Variants in CTNNBIP1 observed in about 807,000 individuals in gnomAD.
The protein encoded by CTNNBIP1 is beta-catenin-interacting protein 1.
In CTNNBIP1, 7 loss-of-function variants were observed where a neutral mutation model predicts 11.8. The observed-to-expected ratio is 0.60, with a 90% CI of 0.34 to 1.12. The LOEUF (loss-of-function observed/expected upper bound fraction) is 1.12, where lower values mean the gene tolerates loss of function less well. Among genes scored for constraint, CTNNBIP1 ranks in the 50% most tolerant of loss-of-function variants. CTNNBIP1 has a pLI of 0.03. For missense variants in CTNNBIP1, 101 were observed against 113.4 expected (o/e 0.89, Z 0.50); for synonymous variants, 58 against 43.9 (o/e 1.32, Z -1.26).
intron 5 of CTNNBIP1, among the ~76,000 whole-genome samples, chr1:9,859,193 C>T (rs1450398042): frequency 6.6e-6 from 1 of 152,200 alleles, no homozygotes; most frequent in Non-Finnish European, 1.5e-5. Flanking sequence ...CCTCACTAGT[C>T]CCCTGGCTCA....
Position 9,859,338 on chromosome 1 carries a change from G to C in CTNNBIP1, c.188-8562C>G, listed in dbSNP as rs145836551. On this transcript the variant is annotated intron_variant, in intron 5 of 5. Coordinates refer to ENST00000377263, the MANE Select transcript of CTNNBIP1 (RefSeq NM_020248.3). Reference sequence around the variant, plus strand: ...TTAGTGGAGTCCAGTCAATTGACTGGGGAGAAAAAATGACAAATATGCAGG... The same window carrying C: ...TTAGTGGAGTCCAGTCAATTGACTGCGGAGAAAAAATGACAAATATGCAGG... 2.7e-3 allele frequency among the ~76,000 whole-genome samples: 416 copies of C among 152,268 alleles called. 2 individuals carry two copies. Among genetic ancestry groups the C allele is most frequent in the Non-Finnish European group, 4.2e-3 (283 of 68,024 alleles).
chr1:9,858,487 T>A (rs1236582178), intron 5 of CTNNBIP1, among the ~76,000 whole-genome samples: 2 of 152,122 alleles, frequency 1.3e-5, no homozygotes, highest in East Asian at 3.9e-4. Context: ...CAAGCACAAG[T>A]CCTTACACCC....
intron 1 of CTNNBIP1, among the ~76,000 whole-genome samples, chr1:9,885,623 G>C (rs928517449): frequency 6.6e-6 from 1 of 150,760 alleles, no homozygotes; most frequent in Admixed American, 6.6e-5. Context: ...CAGCCTAGGT[G>C]ACAGGGCAAG....
chr1:9,897,270 T>G (rs1186487691), intron 1 of CTNNBIP1, among the ~76,000 whole-genome samples: 1 of 151,234 alleles, frequency 6.6e-6, no homozygotes, highest in African/African-American at 2.4e-5. Context: ...CTGGCTAACA[T>G]GGTGAAACCC....
intron 1 of CTNNBIP1, among the ~76,000 whole-genome samples, chr1:9,900,729 C>T (rs890939621): frequency 4.6e-5 from 7 of 152,210 alleles, no homozygotes; most frequent in Admixed American, 2.6e-4. Context: ...GAAAGCAGAA[C>T]TGGGGGCCAG....
At chr1:9,874,481 T>C (rs1638925121) in intron 3 of CTNNBIP1, among the ~76,000 whole-genome samples, 1 of 152,238 alleles carries the variant, frequency 6.6e-6, no homozygotes, top group Non-Finnish European at 1.5e-5. Context: ...CTCAAATTCC[T>C]GGTCTCAAGC....
Position 9,867,584 on chromosome 1 carries a change from G to A in CTNNBIP1, c.187+3603C>T, listed in dbSNP as rs908556028. On this transcript the variant is annotated intron_variant, in intron 5 of 5. Coordinates refer to ENST00000377263, the MANE Select transcript of CTNNBIP1 (RefSeq NM_020248.3). This position sits in a 1 kb window ranked among gnomAD's most constrained non-coding sequence, Gnocchi z 4.6. ...TCAGACCCCCTGCTAGAGGAGTCCCGGGGTAGATGGAGCCTCCTCTGGCTC... is the reference window on the plus strand; with the variant it reads ...TCAGACCCCCTGCTAGAGGAGTCCCAGGGTAGATGGAGCCTCCTCTGGCTC... Among the ~76,000 whole-genome samples, 5 of 152,182 alleles carry A rather than the reference G, an allele frequency of 3.3e-5. No individual in the cohort carries two copies. The highest frequency in any genetic ancestry group is 6.5e-5 in the Admixed American group (1 of 15,280).
At chr1:9,869,691 A>G (rs953913544) in intron 5 of CTNNBIP1, among the ~76,000 whole-genome samples, 4 of 152,142 alleles carry the variant, frequency 2.6e-5, no homozygotes, top group Non-Finnish European at 2.9e-5. Context: ...TTTTTTCCCA[A>G]GAGTATTCAA....
chr1:9,884,917 G>A (rs1320253607), intron 1 of CTNNBIP1, among the ~76,000 whole-genome samples: 2 of 152,156 alleles, frequency 1.3e-5, no homozygotes, highest in Admixed American at 1.3e-4. Context: ...CCAGCACTGG[G>A]GTGGGGCTGC....
intron 1 of CTNNBIP1, among the ~76,000 whole-genome samples, chr1:9,901,444 CAGGAAGCCTTGCTGGTGGAATCT>C: frequency 6.6e-6 from 1 of 152,264 alleles, no homozygotes; most frequent in Non-Finnish European, 1.5e-5. Flanking sequence ...CTGATCTTTG[CAGGAAGCCTTGCTGGTGGAATCT>C]AGGACTTCAG....
chr1:9,898,086 G>A (rs970058293), intron 1 of CTNNBIP1, among the ~76,000 whole-genome samples: 1 of 150,796 alleles, frequency 6.6e-6, no homozygotes, highest in Non-Finnish European at 1.5e-5. Flanking sequence ...CTGAACTCCA[G>A]TCTGGATAAC....
chr1:9,891,731 C>T (rs1464205903), intron 1 of CTNNBIP1, among the ~76,000 whole-genome samples: 1 of 151,140 alleles, frequency 6.6e-6, no homozygotes, highest in Non-Finnish European at 1.5e-5. Context: ...TGCTTGAGGC[C>T]TGGACTTCAA....
intron 5 of CTNNBIP1, among the ~76,000 whole-genome samples, chr1:9,853,732 C>G (rs149714918): frequency 2.5e-4 from 38 of 152,328 alleles, no homozygotes; most frequent in African/African-American, 9.1e-4. Flanking sequence ...TCCCTTCCCA[C>G]CAGATGCAAG....
At chr1:9,907,930 T>A (rs530369111) in intron 1 of CTNNBIP1, among the ~76,000 whole-genome samples, 1 of 152,328 alleles carries the variant, frequency 6.6e-6, no homozygotes, top group South Asian at 2.1e-4. Context: ...GCCAGAACAA[T>A]CTTTTGGAAC....
chr1:9,902,580 C>T (rs552856275), intron 1 of CTNNBIP1, among the ~76,000 whole-genome samples: 13 of 152,238 alleles, frequency 8.5e-5, no homozygotes, highest in African/African-American at 3.1e-4. Flanking sequence ...CCCAGCCCCC[C>T]ACCTTAATGT....
chr1:9,878,022 A>C (rs1010993748), intron 2 of CTNNBIP1, 33 bp from the exon 3 acceptor site: 1 of 152,648 alleles, frequency 6.6e-6, no homozygotes, highest in Non-Finnish European at 1.5e-5. Flanking sequence ...TTGTGGGAGG[A>C]GTCGGGAGGG....
At chr1:9,875,289 T>C (rs1638944148) in intron 3 of CTNNBIP1, among the ~76,000 whole-genome samples, 1 of 152,222 alleles carries the variant, frequency 6.6e-6, no homozygotes, top group Non-Finnish European at 1.5e-5. Context: ...AGGACTGGTG[T>C]CTGGTTTTTG....
rs898920459 is a variant in CTNNBIP1, at chr1:9,865,521, A to G, written c.187+5666T>C. Among the ~76,000 whole-genome samples, 7 of 150,390 alleles carry G rather than the reference A, an allele frequency of 4.7e-5. No homozygotes were observed. The South Asian group carries it at 6.4e-4, about 14-fold the overall frequency. ...CAGGAAGCTGAGGCAGGAGAATGGC[A>G]TGAACCCGGGAGGTGGAGTTTGCAG... is the stretch of plus-strand genomic sequence containing the variant. On this transcript the variant is annotated intron_variant, in intron 5 of 5. Coordinates refer to ENST00000377263, the MANE Select transcript of CTNNBIP1 (RefSeq NM_020248.3).
intron 2 of CTNNBIP1, among the ~76,000 whole-genome samples, chr1:9,881,134 C>A (rs756245651): frequency 6.6e-6 from 1 of 152,036 alleles, no homozygotes; most frequent in Admixed American, 6.6e-5. Flanking sequence ...CTCCCTAGCT[C>A]AAGCAATCCA....
Sources: gnomAD v4.1 joint callset for allele counts (sites outside exome capture counted in the v4.1 genomes callset) on GRCh38, gnomAD v4.1.1 for gene constraint, Gnocchi (gnomAD v3.1) non-coding constraint, MANE v1.5 for transcripts, NCBI Gene and HGNC (gene_info 2026-07-23, HGNC 2026-07-21) for gene names.